The following LEPROT variants were observed in gnomAD, a reference collection of about 807,000 sequenced individuals.
LEPROT encodes leptin receptor overlapping transcript, also known as leptin receptor gene-related protein.
Under a neutral mutation model 15.4 loss-of-function variants are expected in LEPROT, and 3 were observed. That is an observed-to-expected ratio of 0.19 (90% CI 0.09 to 0.50). The LOEUF (loss-of-function observed/expected upper bound fraction) is 0.50. Among genes scored for constraint, LEPROT ranks in the 20% least tolerant of loss-of-function variants. The pLI is 0.97. For synonymous variants in LEPROT, 59 were observed against 57.5 expected (o/e 1.03, Z -0.12); for missense variants, 137 against 162.2 (o/e 0.84, Z 0.84).
Position 65,423,367 on chromosome 1 carries a change from A to G in LEPROT, c.17-1936A>G, listed in dbSNP as rs562141122. Among the ~76,000 whole-genome samples, 23 of 152,268 alleles carry G rather than the reference A, an allele frequency of 1.5e-4. No homozygotes were observed. The South Asian group carries it at 4.8e-3, about 32-fold the overall frequency. On this transcript the variant is annotated intron_variant, in intron 1 of 3. Coordinates refer to ENST00000371065, the MANE Select transcript of LEPROT (RefSeq NM_017526.5). ...AGATTCAGAGGATGTGATTCCTGAA[A>G]AAAGAGGAAAAAAAAGACCAAAAAG...
chr1:65,431,977 T>C lies in LEPROT; in HGVS notation c.*58T>C. On this transcript the variant is annotated 3_prime_UTR_variant, in exon 4 of 4. Transcript: ENST00000371065. The stretch of plus-strand genomic sequence containing the variant: ...TTAGAACTCATACTATCTGTATACA[T>C]GTGCACATGCGGCATTTTACTATGA... The C allele has an allele frequency of 6.5e-7, 1 of 1,541,124 alleles. No homozygotes were observed. Among genetic ancestry groups the C allele is most frequent in the Non-Finnish European group, 8.7e-7 (1 of 1,147,344 alleles).
At chr1:65,421,433 G>GT in intron 1 of LEPROT, 1 of 1,536,032 alleles carries the variant, frequency 6.5e-7, no homozygotes, top group South Asian at 1.2e-5. Context: ...GACGGAAAAG[G>GT]TTTTTTGCAA....
chr1:65,426,929 T>C (rs181722378), intron 2 of LEPROT, among the ~76,000 whole-genome samples: 344 of 150,158 alleles, frequency 2.3e-3, no homozygotes, highest in Non-Finnish European at 4.2e-3. Flanking sequence ...ACACAGGAGG[T>C]GGAGGTTGTA....
chr1:65,435,229 C>G lies in LEPROT; in HGVS notation c.*3310C>G, dbSNP rs1646541958. 1 of 985,292 alleles carries G rather than the reference C, an allele frequency of 1.0e-6. No homozygotes were observed. The highest frequency in any genetic ancestry group is 4.7e-5 in the South Asian group (1 of 21,282). 61.0% of individuals were successfully genotyped at this position (985,292 alleles called of 1,614,324 possible). A position where few individuals can be genotyped will look rare whatever the true frequency, so the allele number is the denominator to read the frequency against. ...GAACTCATAGATTTTTCTTACTGTC[C>G]TAAGGAAGTCCTTACCTCTGAGGTA... On this transcript the variant is annotated 3_prime_UTR_variant, in exon 4 of 4. Coordinates refer to ENST00000371065, the MANE Select transcript of LEPROT (RefSeq NM_017526.5).
rs546349366 is a variant in LEPROT at position 65,434,719 on chromosome 1, C to A, written c.*2800C>A. On this transcript the variant is annotated 3_prime_UTR_variant, in exon 4 of 4. Transcript: ENST00000371065. Reference sequence around the variant, plus strand: ...TTCCACTCATTTTCACCTCCTAATGCCCTTGAGATCCAGGTACACTCCTGG... The same window carrying A: ...TTCCACTCATTTTCACCTCCTAATGACCTTGAGATCCAGGTACACTCCTGG... 2.0e-6 allele frequency: 2 copies of A among 985,450 alleles called. No homozygotes were observed. The highest frequency in any genetic ancestry group is 3.5e-5 in the African/African-American group (2 of 57,342). 61.0% of individuals were successfully genotyped at this position (985,450 alleles called of 1,614,324 possible). A position where few individuals can be genotyped will look rare whatever the true frequency, so the allele number is the denominator to read the frequency against.
rs1276903968 is a variant in LEPROT, at chr1:65,434,399, A to G, written c.*2480A>G. On this transcript the variant is annotated 3_prime_UTR_variant, in exon 4 of 4. Transcript: ENST00000371065. ...GTCGAAAACTGAGATTGCACTTCCA[A>G]AATTGGCCACAAGTAAATAATCTTA... is the stretch of plus-strand genomic sequence containing the variant. The G allele has an allele frequency of 7.1e-6, 7 of 985,284 alleles. No homozygotes were observed. Among genetic ancestry groups the G allele is most frequent in the Non-Finnish European group, 8.4e-6 (7 of 829,930 alleles). 61.0% of individuals were successfully genotyped at this position (985,284 alleles called of 1,614,324 possible).
At position 65,435,237 on chromosome 1, in the gene LEPROT, G is replaced by A. The variant is rs942530417; in HGVS notation, c.*3318G>A. On this transcript the variant is annotated 3_prime_UTR_variant, in exon 4 of 4. Transcript: ENST00000371065. ...AGATTTTTCTTACTGTCCTAAGGAAGTCCTTACCTCTGAGGTATCTCCTCA... is the reference window on the plus strand; with the variant it reads ...AGATTTTTCTTACTGTCCTAAGGAAATCCTTACCTCTGAGGTATCTCCTCA... The A allele has an allele frequency of 1.0e-6, 1 of 985,272 alleles. No homozygotes were observed. The highest frequency in any genetic ancestry group is 1.2e-6 in the Non-Finnish European group (1 of 829,838). The allele number at this position is 985,272 out of a possible 1,614,324, so 61.0% of individuals were successfully genotyped here.
chr1:65,424,553 C>T (rs36072366), intron 1 of LEPROT, among the ~76,000 whole-genome samples: 89,902 of 151,768 alleles, frequency 0.59, 26,845 homozygotes, highest in East Asian at 0.86. Context: ...TTTATGATTT[C>T]AAGGTGGCAG....
chr1:65,428,365 A>G (rs1570428043), intron 2 of LEPROT, among the ~76,000 whole-genome samples: 1 of 152,186 alleles, frequency 6.6e-6, no homozygotes, highest in South Asian at 2.1e-4. Context: ...GTAAGGTGAC[A>G]TATCTATTCC....
At chr1:65,426,953 G>A (rs530289267) in intron 2 of LEPROT, among the ~76,000 whole-genome samples, 18 of 151,986 alleles carry the variant, frequency 1.2e-4, no homozygotes, top group African/African-American at 3.4e-4. Context: ...AGCCAAGATC[G>A]TGCCACTGCA....
chr1:65,434,755 C>T lies in LEPROT; in HGVS notation c.*2836C>T, dbSNP rs928860022. On this transcript the variant is annotated 3_prime_UTR_variant, in exon 4 of 4. Transcript: ENST00000371065. ...CAGGTACACTCCTGGGAGTTTTGTT[C>T]ACCTCTCCCAACTGAGAACCTTCCC... 10 of 985,274 alleles carry T rather than the reference C, an allele frequency of 1.0e-5. No individual in the cohort carries two copies. The highest frequency in any genetic ancestry group is 5.2e-4 in the Middle Eastern group (1 of 1,936). 61.0% of individuals were successfully genotyped at this position (985,274 alleles called of 1,614,324 possible).
intron 1 of LEPROT, among the ~76,000 whole-genome samples, chr1:65,422,825 C>A (rs1402188503): frequency 6.6e-6 from 1 of 152,194 alleles, no homozygotes; most frequent in Non-Finnish European, 1.5e-5. Context: ...TGGTGAGCCT[C>A]CGTGCCAGAA....
rs1013996285 is a variant in LEPROT, at chr1:65,432,123, C to A, written c.*204C>A. The A allele has an allele frequency of 1.9e-5, 24 of 1,257,680 alleles. No individual in the cohort carries two copies. Among genetic ancestry groups the A allele is most frequent in the Non-Finnish European group, 2.4e-5 (24 of 1,000,244 alleles). 77.9% of individuals were successfully genotyped at this position (1,257,680 alleles called of 1,614,324 possible). On this transcript the variant is annotated 3_prime_UTR_variant, in exon 4 of 4. Transcript: ENST00000371065. ...GACCTGTCAAATTTAGATTATGTTA[C>A]TCAAATTATGTTACTTGTTTGGCTG...
chr1:65,433,263 GTGGGTGAACTGCT>G lies in LEPROT; in HGVS notation c.*1346_*1358del. ...GATATAGGAGCCATGTAAGCACGCAGTGGGTGAACTGCTTAATTTCACTACGTGTTGATGTACT... is the reference window on the plus strand; with the variant it reads ...GATATAGGAGCCATGTAAGCACGCAGTAATTTCACTACGTGTTGATGTACT... On this transcript the variant is annotated 3_prime_UTR_variant, in exon 4 of 4. Transcript: ENST00000371065. 1 of 985,390 alleles carries G rather than the reference GTGGGTGAACTGCT, an allele frequency of 1.0e-6. No individual in the cohort carries two copies. The highest frequency in any genetic ancestry group is 1.1e-4 in the East Asian group (1 of 8,812). The allele number at this position is 985,390 out of a possible 1,614,324, so 61.0% of individuals were successfully genotyped here. A position where few individuals can be genotyped will look rare whatever the true frequency, so the allele number is the denominator to read the frequency against.
At position 65,432,953 on chromosome 1, in the gene LEPROT, C is replaced by T. The variant is rs1220869438; in HGVS notation, c.*1034C>T. On this transcript the variant is annotated 3_prime_UTR_variant, in exon 4 of 4. Transcript: ENST00000371065. ...GTCAATATATAATCAAAATAAAAAACAAAACATACTCTCTCCCCCAAAAAA... is the reference window on the plus strand; with the variant it reads ...GTCAATATATAATCAAAATAAAAAATAAAACATACTCTCTCCCCCAAAAAA... 1 of 984,546 alleles carries T rather than the reference C, an allele frequency of 1.0e-6. No individual in the cohort carries two copies. The allele number at this position is 984,546 out of a possible 1,614,324, so 61.0% of individuals were successfully genotyped here. A position where few individuals can be genotyped will look rare whatever the true frequency, so the allele number is the denominator to read the frequency against.
chr1:65,421,488 CGAA>C (rs1646249911), intron 1 of LEPROT: 1 of 1,535,734 alleles, frequency 6.5e-7, no homozygotes, highest in East Asian at 2.4e-5. Context: ...TCTAATCTGT[CGAA>C]TAGAGTAGCA....
At position 65,420,704 on chromosome 1, in the gene LEPROT, C is replaced by T. The variant is rs1432194436; in HGVS notation, c.-21C>T. The T allele has an allele frequency of 2.5e-6, 4 of 1,578,428 alleles. No homozygotes were observed. The Admixed American group carries it at 5.7e-5, about 22-fold the overall frequency. On this transcript the variant is annotated 5_prime_UTR_variant, in exon 1 of 4. Transcript: ENST00000371065. ...GCCGTGGCAGGAAGCCGGAAGCAGC[C>T]GCGGCCCCAGTTCGGGAGACATGGC...
chr1:65,428,719 G>C (rs1465367774), intron 2 of LEPROT, among the ~76,000 whole-genome samples: 1 of 152,084 alleles, frequency 6.6e-6, no homozygotes, highest in African/African-American at 2.4e-5. Flanking sequence ...ATATAAAAAT[G>C]AGCAGAGACT....
Position 65,433,702 on chromosome 1 carries a change from T to C in LEPROT, c.*1783T>C, listed in dbSNP as rs1646519704. On this transcript the variant is annotated 3_prime_UTR_variant, in exon 4 of 4. Transcript: ENST00000371065. ...TTGTTAAAGTTGTCATTTCCAATATTTATATTAGAAAAATTATTTAGATAC... is the reference window on the plus strand; with the variant it reads ...TTGTTAAAGTTGTCATTTCCAATATCTATATTAGAAAAATTATTTAGATAC... 1.7e-5 allele frequency: 16 copies of C among 950,486 alleles called. No homozygotes were observed. The highest frequency in any genetic ancestry group is 2.0e-5 in the Non-Finnish European group (16 of 798,312). The allele number at this position is 950,486 out of a possible 1,614,324, so 58.9% of individuals were successfully genotyped here.
Sources: gnomAD v4.1 joint callset for allele counts (sites outside exome capture counted in the v4.1 genomes callset) on GRCh38, gnomAD v4.1.1 for gene constraint, MANE v1.5 for transcripts, NCBI Gene and HGNC (gene_info 2026-07-23, HGNC 2026-07-21) for gene names.